The following SMIM36 variants were observed in gnomAD, a reference collection of about 807,000 sequenced individuals.
The protein encoded by SMIM36 is small integral membrane protein 36.
chr17:55,478,661 A>T (rs996470828), intron 3 of SMIM36, 101 bp downstream of exon 3: 5 of 152,186 alleles, frequency 3.3e-5, no homozygotes, highest in African/African-American at 9.7e-5. Context: ...CTTCCTTCAA[A>T]CAGAAGCTTA....
At chr17:55,455,599 G>A (rs934674643) in intron 4 of SMIM36, among the ~76,000 whole-genome samples, 2 of 152,084 alleles carry the variant, frequency 1.3e-5, no homozygotes, top group Non-Finnish European at 2.9e-5. Context: ...GGACCTGCTT[G>A]GGCAACATAG....
chr17:55,518,997 T>G, the SMIM36 span, among the ~76,000 whole-genome samples: 1 of 151,956 alleles, frequency 6.6e-6, no homozygotes, highest in South Asian at 2.1e-4. Context: ...ATTTGGGTTT[T>G]TTTTTTTTTT....
intron 4 of SMIM36, among the ~76,000 whole-genome samples, chr17:55,459,620 T>G (rs996992013): frequency 8.5e-5 from 13 of 152,228 alleles, no homozygotes; most frequent in African/African-American, 3.1e-4. Context: ...AATTATTTGT[T>G]TACTGTCTTC....
exon 1 of SMIM36, chr17:55,511,435 G>A: frequency 2.5e-6 from 1 of 396,604 alleles, no homozygotes; most frequent in East Asian, 3.6e-5. Context: ...AGCTACATTG[G>A]CTCTGGAGTA....
At chr17:55,491,689 G>T (rs1317435028) in intron 1 of SMIM36, among the ~76,000 whole-genome samples, 1 of 152,050 alleles carries the variant, frequency 6.6e-6, no homozygotes, top group Non-Finnish European at 1.5e-5. Context: ...CTCCCCTCCT[G>T]GCCTCAAACT....
chr17:55,512,694 T>C (rs1910201842), upstream of SMIM36, among the ~76,000 whole-genome samples: 2 of 152,276 alleles, frequency 1.3e-5, no homozygotes, highest in Non-Finnish European at 2.9e-5. Flanking sequence ...TGTTGCCATC[T>C]TGAAATTCTT....
chr17:55,523,257 T>G, the SMIM36 span, among the ~76,000 whole-genome samples: 1 of 151,748 alleles, frequency 6.6e-6, no homozygotes, highest in Non-Finnish European at 1.5e-5. Context: ...AGGGGCTGGG[T>G]GTGGTGGCTC....
At chr17:55,452,039 G>A (rs1908928744) in intron 4 of SMIM36, among the ~76,000 whole-genome samples, 1 of 142,746 alleles carries the variant, frequency 7.0e-6, no homozygotes, top group Non-Finnish European at 1.5e-5. Context: ...GTTTGAGGCT[G>A]CAGTAAGCTA....
intron 1 of SMIM36, among the ~76,000 whole-genome samples, chr17:55,483,318 T>C (rs549326034): frequency 6.6e-6 from 1 of 152,364 alleles, no homozygotes; most frequent in South Asian, 2.1e-4. Context: ...TGAGATGCTA[T>C]TGTTATTTTA....
intron 1 of SMIM36, among the ~76,000 whole-genome samples, chr17:55,502,909 G>A (rs1222409784): frequency 1.0e-4 from 15 of 145,276 alleles, no homozygotes; most frequent in Non-Finnish European, 1.9e-4. Context: ...ACCAAGGCTC[G>A]AGAACTACGT....
rs1324444376 is a variant in SMIM36, at chr17:55,502,374, T to C, written c.*174+8505A>G. Among the ~76,000 whole-genome samples the C allele has an allele frequency of 3.9e-4, 39 of 100,816 alleles. 10 individuals are homozygous for C. The highest frequency in any genetic ancestry group is 7.0e-4 in the Admixed American group (8 of 11,488). The allele number at this position is 100,816 out of a possible 152,430, so 66.1% of individuals were successfully genotyped here. ...GGTTCTCCCAGCATGCAGCTGGAGA[T>C]CTGAGAACCGGCAGACTGCCTCTTC... On this transcript the variant is annotated intron_variant, in intron 1 of 4. Transcript: ENST00000636752.
chr17:55,488,815 T>G (rs1909652034), intron 1 of SMIM36, among the ~76,000 whole-genome samples: 2 of 152,192 alleles, frequency 1.3e-5, no homozygotes, highest in Non-Finnish European at 2.9e-5. Context: ...TTTTAAAGGC[T>G]TTACACATAT....
At chr17:55,474,343 C>T (rs1342819529) in intron 3 of SMIM36, among the ~76,000 whole-genome samples, 2 of 152,162 alleles carry the variant, frequency 1.3e-5, no homozygotes, top group Non-Finnish European at 2.9e-5. Context: ...CTACAGCCAG[C>T]TTGAGTGATG....
At chr17:55,526,780 T>C in the SMIM36 span, among the ~76,000 whole-genome samples, 1 of 152,178 alleles carries the variant, frequency 6.6e-6, no homozygotes, top group Non-Finnish European at 1.5e-5. Flanking sequence ...ACACACAGTT[T>C]GCCTCTGGCT....
the SMIM36 span, chr17:55,527,048 A>T: frequency 6.6e-6 from 1 of 152,216 alleles, no homozygotes; most frequent in Non-Finnish European, 1.5e-5. Flanking sequence ...AATGCACTCA[A>T]AAAGTGTCTT....
At chr17:55,521,318 C>T in the SMIM36 span, among the ~76,000 whole-genome samples, 1 of 152,148 alleles carries the variant, frequency 6.6e-6, no homozygotes, top group Admixed American at 6.5e-5. Flanking sequence ...TTGACAAGAA[C>T]CCTTACAAAA....
intron 1 of SMIM36, among the ~76,000 whole-genome samples, chr17:55,492,387 C>T: frequency 6.6e-6 from 1 of 150,980 alleles, no homozygotes; most frequent in Non-Finnish European, 1.5e-5. Flanking sequence ...GGACTACAGG[C>T]TTGCGCCACC....
At chr17:55,481,999 G>A (rs756476918) in intron 1 of SMIM36, among the ~76,000 whole-genome samples, 1 of 152,114 alleles carries the variant, frequency 6.6e-6, no homozygotes, top group African/African-American at 2.4e-5. Flanking sequence ...GTCCAGCCAA[G>A]CATCATGATT....
At chr17:55,458,417 G>C (rs1291869994) in intron 4 of SMIM36, 1 of 152,206 alleles carries the variant, frequency 6.6e-6, no homozygotes, top group Non-Finnish European at 1.5e-5. Flanking sequence ...GGGAAGGGAA[G>C]TGCAGGGTAG....
Sources: allele counts gnomAD v4.1 joint callset (sites outside exome capture counted in the v4.1 genomes callset), GRCh38; gene constraint gnomAD v4.1.1; transcripts MANE v1.5; gene names NCBI Gene and HGNC (gene_info 2026-07-23, HGNC 2026-07-21).